GLIPR1L1: variants seen among roughly 807,000 people sequenced by gnomAD.
GLIPR1L1 encodes the protein GLIPR1 like 1, also known as GLIPR1-like protein 1.
In GLIPR1L1, 26 loss-of-function variants were observed where a neutral mutation model predicts 29.9. The observed-to-expected ratio is 0.87, with a 90% CI of 0.64 to 1.21. The LOEUF is 1.21. Ranked by LOEUF, GLIPR1L1 falls within the 50% of genes most tolerant of loss-of-function variation. The pLI, the probability that GLIPR1L1 is intolerant of heterozygous loss-of-function variation, is 0.00. For synonymous variants in GLIPR1L1, 77 were observed against 97.5 expected, an observed-to-expected ratio of 0.79 and a Z score of 1.24; for missense variants, 305 against 290.3, an observed-to-expected ratio of 1.05 and a Z score of -0.37.
At chr12:75,369,916 T>A in intron 4 of GLIPR1L1, 44 bp from the exon 5 acceptor site, 1 of 1,278,556 alleles carries the variant, frequency 7.8e-7, no homozygotes, top group Non-Finnish European at 1.0e-6. Flanking sequence ...TATGTTTTCT[T>A]GTTTTATAAC....
In GLIPR1L1 at chr12:75,370,289, G is replaced by C; in HGVS notation, c.*113G>C. The C allele has an allele frequency of 1.7e-6, 1 of 588,190 alleles. No homozygotes were observed. The highest frequency in any genetic ancestry group is 1.9e-5 in the African/African-American group (1 of 53,924). 36.4% of individuals were successfully genotyped at this position (588,190 alleles called of 1,614,324 possible). ...TACTGAATCTTCTACACTCTTGCCT[G>C]ATACCTAAATTTAATGTTTGTTTTT... On this transcript the variant is annotated 3_prime_UTR_variant, in exon 6 of 6. Transcript: ENST00000378695.
intron 1 of GLIPR1L1, among the ~76,000 whole-genome samples, chr12:75,338,212 A>G (rs1249371801): frequency 6.6e-6 from 1 of 152,180 alleles, no homozygotes; most frequent in Admixed American, 6.5e-5. Context: ...ATTATAATCA[A>G]TTGAATCCAG....
rs2042546209 is a variant in GLIPR1L1 at position 75,347,686 on chromosome 12, C to A, written c.485C>A (p.Ala162Asp). 2 of 1,605,228 alleles carry A rather than the reference C, an allele frequency of 1.2e-6. No homozygotes were observed. The highest frequency in any genetic ancestry group is 2.7e-5 in the African/African-American group (2 of 74,822). Residue 162 changes from alanine to aspartate, a missense_variant, in exon 3 of 6, where the codon GCT becomes GAT. Ala to Asp is a moderately radical substitution (Grantham distance 126). Transcript: ENST00000378695. ...AVAMCPNLGG[A>D]STAIFVCNYG... ...GCAATGTGTCCTAACCTTGGGGGAG[C>A]TTCAACTGCAATATTTGTATGCAAC...
chr12:75,355,094 C>T (rs2043064281), intron 3 of GLIPR1L1, among the ~76,000 whole-genome samples: 1 of 152,170 alleles, frequency 6.6e-6, no homozygotes, highest in African/African-American at 2.4e-5. Context: ...ACAAAAACAT[C>T]AAAAGCAATT....
Position 75,343,808 on chromosome 12 carries a change from G to A in GLIPR1L1, c.290G>A (p.Gly97Glu). Residue 97 changes from glycine (G) to glutamate (E), a missense_variant, in exon 2 of 6, where the codon GGA becomes GAA. Transcript: ENST00000378695. ...TGCTATGCAGCTTTTGAATATGTTG[G>A]AGAAAATATCTGGTTAGGTGGAATA... The part of the protein sequence containing the change: ...YKCYAAFEYV[G>E]ENIWLGGIKS... 6.2e-7 allele frequency: 1 copy of A among 1,613,462 alleles called. No homozygotes were observed. The highest frequency in any genetic ancestry group is 1.1e-5 in the South Asian group (1 of 91,046).
At chr12:75,357,673 C>A (rs1399668725) in intron 3 of GLIPR1L1, among the ~76,000 whole-genome samples, 4 of 151,858 alleles carry the variant, frequency 2.6e-5, no homozygotes, top group Non-Finnish European at 4.4e-5. Context: ...TTGATGACAG[C>A]AAAATTAAAT....
chr12:75,334,884 G>T lies in GLIPR1L1; in HGVS notation c.156G>T (p.Ala52=). ...NEWRGKVNPP[A]ADMKYMIWDK... ...GGCGTGGCAAAGTCAACCCTCCCGC[G>T]GCCGACATGAAATACATGGTGAGAA... The change falls in exon 1 of 6, where the codon GCG becomes GCT. Residue 52 remains alanine (A), a synonymous_variant. Coordinates refer to ENST00000378695, the MANE Select transcript of GLIPR1L1 (RefSeq NM_001304964.2). The T allele has an allele frequency of 1.2e-6, 2 of 1,613,904 alleles. No individual in the cohort carries two copies. Among genetic ancestry groups the T allele is most frequent in the South Asian group, 2.2e-5 (2 of 91,070 alleles).
intron 3 of GLIPR1L1, 44 bp downstream of exon 3, chr12:75,347,766 T>C (rs184578946): frequency 7.6e-7 from 1 of 1,308,310 alleles, no homozygotes; most frequent in African/African-American, 1.5e-5. Flanking sequence ...AAATTAATGT[T>C]GATGATGGTT....
At chr12:75,360,435 A>G (rs1466854725) in intron 3 of GLIPR1L1, 1 of 152,196 alleles carries the variant, frequency 6.6e-6, no homozygotes, top group East Asian at 1.9e-4. Context: ...GGCATTGGGT[A>G]AATGCTCCCA....
rs145349592 is a variant in GLIPR1L1 at position 75,343,804 on chromosome 12, G to A, written c.286G>A (p.Val96Ile). The A allele has an allele frequency of 2.3e-5, 37 of 1,613,436 alleles. No individual in the cohort carries two copies. The highest frequency in any genetic ancestry group is 1.7e-4 in the Middle Eastern group (1 of 6,054). The change falls in exon 2 of 6, where the codon GTT becomes ATT. Residue 96 changes from valine to isoleucine, a missense_variant. Transcript: ENST00000378695. Reference sequence around the variant, plus strand: ...TAAATGCTATGCAGCTTTTGAATATGTTGGAGAAAATATCTGGTTAGGTGG... The same window carrying A: ...TAAATGCTATGCAGCTTTTGAATATATTGGAGAAAATATCTGGTTAGGTGG... ...SYKCYAAFEYVGENIWLGGIK... is the reference protein window; with the variant it reads ...SYKCYAAFEYIGENIWLGGIK...
chr12:75,354,173 G>GT (rs2042997114), intron 3 of GLIPR1L1, among the ~76,000 whole-genome samples: 1 of 144,360 alleles, frequency 6.9e-6, no homozygotes. Context: ...AAAAGGGGGG[G>GT]GGGTATTCAA....
At position 75,343,858 on chromosome 12, in the gene GLIPR1L1, AT is replaced by A; in HGVS notation, c.342del (p.Thr115ArgfsTer27). On this transcript the variant is annotated frameshift_variant, in exon 2 of 6. Coordinates refer to ENST00000378695, the MANE Select transcript of GLIPR1L1 (RefSeq NM_001304964.2). LOFTEE classifies it high-confidence loss of function. ...AAAGTCATTCACACCAAGACATGCC[AT>A]TACGGCTTGGTATAATGAAACCCAA... ...GIKSFTPRHA[I>X]TAWYNETQFY... 6.2e-7 allele frequency: 1 copy of A among 1,612,072 alleles called. No individual in the cohort carries two copies. Among genetic ancestry groups the A allele is most frequent in the Non-Finnish European group, 8.5e-7 (1 of 1,178,280 alleles).
chr12:75,351,521 G>A (rs976578239), intron 3 of GLIPR1L1, among the ~76,000 whole-genome samples: 37 of 151,550 alleles, frequency 2.4e-4, no homozygotes, highest in African/African-American at 8.5e-4. Flanking sequence ...AAGAGATTGG[G>A]AACAATATTT....
chr12:75,358,804 TTATA>T (rs1262728183), intron 3 of GLIPR1L1, among the ~76,000 whole-genome samples: 1 of 144,372 alleles, frequency 6.9e-6, no homozygotes, highest in African/African-American at 2.5e-5. Context: ...ATATAATATA[TTATA>T]TATGTTTAAA....
At chr12:75,358,014 A>G (rs1343938193) in intron 3 of GLIPR1L1, among the ~76,000 whole-genome samples, 1 of 151,602 alleles carries the variant, frequency 6.6e-6, no homozygotes, top group Non-Finnish European at 1.5e-5. Flanking sequence ...GCATACATAA[A>G]TAAAATAACA....
intron 1 of GLIPR1L1, among the ~76,000 whole-genome samples, chr12:75,341,439 C>CT (rs1302519489): frequency 1.3e-5 from 2 of 151,428 alleles, no homozygotes; most frequent in Non-Finnish European, 2.9e-5. Flanking sequence ...ATATAACATT[C>CT]TTTTTTTCTT....
intron 3 of GLIPR1L1, among the ~76,000 whole-genome samples, chr12:75,349,041 GGAAAAGAGTACCAGA>G (rs1409502721): frequency 6.6e-6 from 1 of 151,816 alleles, no homozygotes; most frequent in African/African-American, 2.4e-5. Context: ...TAGAGTTCAC[GGAAAAGAGTACCAGA>G]GAAAAGAGAA....
chr12:75,364,790 A>C (rs1295861850), intron 4 of GLIPR1L1: 1 of 152,160 alleles, frequency 6.6e-6, no homozygotes, highest in Non-Finnish European at 1.5e-5. Context: ...GTCTTTAGTA[A>C]TGTGTCCCAA....
intron 4 of GLIPR1L1, 124 bp downstream of exon 4, chr12:75,363,314 C>T (rs543066960): frequency 2.2e-4 from 92 of 409,098 alleles, no homozygotes; most frequent in African/African-American, 7.9e-4. Flanking sequence ...TGTTATCTTA[C>T]GATATAAATC....
Sources: gnomAD v4.1 joint callset for allele counts (sites outside exome capture counted in the v4.1 genomes callset) on GRCh38, gnomAD v4.1.1 for gene constraint, MANE v1.5 for transcripts, NCBI Gene and HGNC (gene_info 2026-07-23, HGNC 2026-07-21) for gene names.